ANK3: variants seen among roughly 807,000 people sequenced by gnomAD.
The protein encoded by ANK3 is ankyrin-3.
Under a neutral mutation model 370.9 loss-of-function variants are expected in ANK3, and 57 were observed. That is an observed-to-expected ratio of 0.15 (90% CI 0.12 to 0.19). The LOEUF is 0.19. ANK3 is among the 10% of genes least tolerant of loss of function. The pLI, the probability that ANK3 is intolerant of heterozygous loss-of-function variation, is 1.00. For synonymous variants in ANK3, 1,929 were observed against 1,946.3 expected (o/e 0.99, Z 0.23); for missense variants, 4,439 against 5,302.1 (o/e 0.84, Z 5.06).
intron 11 of ANK3, among the ~76,000 whole-genome samples, chr10:60,204,986 C>T (rs982565967): frequency 1.3e-5 from 2 of 152,018 alleles, no homozygotes; most frequent in Admixed American, 1.3e-4. Context: ...AAGAGAGTGT[C>T]TAGTCTATGG....
chr10:60,202,481 G>A (rs150982315), intron 12 of ANK3, among the ~76,000 whole-genome samples: 67 of 152,340 alleles, frequency 4.4e-4, no homozygotes, highest in Non-Finnish European at 8.8e-4. Flanking sequence ...GTTAATGAAC[G>A]TAGTTCGTAA....
At chr10:60,347,639 G>A (rs770323890) in intron 1 of ANK3, among the ~76,000 whole-genome samples, 4 of 152,026 alleles carry the variant, frequency 2.6e-5, no homozygotes, top group Non-Finnish European at 5.9e-5. Flanking sequence ...TGAATGAATA[G>A]TTAAGTTCCA....
intron 38 of ANK3, among the ~76,000 whole-genome samples, chr10:60,067,539 A>C (rs1326406123): frequency 6.6e-6 from 1 of 152,166 alleles, no homozygotes; most frequent in African/African-American, 2.4e-5. Context: ...GTTGCCTAGA[A>C]AACTGCCCTA....
intron 2 of ANK3, among the ~76,000 whole-genome samples, chr10:60,607,975 T>C (rs530939101): frequency 2.0e-5 from 3 of 152,254 alleles, no homozygotes; most frequent in South Asian, 4.1e-4. Flanking sequence ...TCAAATGTCA[T>C]ACCTGGAAAT....
intron 1 of ANK3, among the ~76,000 whole-genome samples, chr10:60,336,642 A>G (rs1300658845): frequency 1.3e-5 from 2 of 152,192 alleles, no homozygotes; most frequent in Admixed American, 1.3e-4. Context: ...TCTAAAATGA[A>G]TGTGCATTTT....
intron 2 of ANK3, among the ~76,000 whole-genome samples, chr10:60,485,350 AAAG>A (rs1350226882): frequency 1.3e-5 from 2 of 152,196 alleles, no homozygotes; most frequent in Non-Finnish European, 2.9e-5. Context: ...GGAACAGCAA[AAAG>A]AAGTCTATTT....
chr10:60,313,185 C>T (rs547628105), intron 1 of ANK3, among the ~76,000 whole-genome samples: 3 of 152,270 alleles, frequency 2.0e-5, no homozygotes, highest in Admixed American at 6.5e-5. Context: ...CAGGACCCTG[C>T]GGATAACATG....
intron 7 of ANK3, among the ~76,000 whole-genome samples, chr10:60,240,070 T>C (rs1193352039): frequency 6.9e-6 from 1 of 145,720 alleles, no homozygotes; most frequent in Non-Finnish European, 1.5e-5. Flanking sequence ...TATATACATA[T>C]ATATACATAT....
chr10:60,500,062 C>T (rs1171353139), intron 2 of ANK3, among the ~76,000 whole-genome samples: 1 of 152,168 alleles, frequency 6.6e-6, no homozygotes, highest in East Asian at 1.9e-4. Flanking sequence ...AAGAGCTTGA[C>T]TAAATTACCT....
At chr10:60,208,652 T>C (rs932888368) in intron 9 of ANK3, among the ~76,000 whole-genome samples, 1 of 152,138 alleles carries the variant, frequency 6.6e-6, no homozygotes, top group African/African-American at 2.4e-5. Context: ...CACTGTAATT[T>C]GGCCAGATAG....
At chr10:60,438,492 A>G (rs922899878) in intron 2 of ANK3, among the ~76,000 whole-genome samples, 1 of 152,176 alleles carries the variant, frequency 6.6e-6, no homozygotes, top group Non-Finnish European at 1.5e-5. Flanking sequence ...CCAGTACTTT[A>G]GTTGTTAAAG....
At chr10:60,450,001 AG>A (rs2064555063) in intron 2 of ANK3, among the ~76,000 whole-genome samples, 1 of 152,200 alleles carries the variant, frequency 6.6e-6, no homozygotes, top group African/African-American at 2.4e-5. Flanking sequence ...GAAAAGAGAG[AG>A]AAAAAGATAA....
Position 60,091,987 on chromosome 10 carries a change from C to T in ANK3, c.3329-3629G>A, listed in dbSNP as rs555064039. 4.7e-4 allele frequency among the ~76,000 whole-genome samples: 71 copies of T among 152,268 alleles called. 1 individual carries two copies. In the South Asian group the frequency reaches 0.014, roughly 30 times the overall value. On this transcript the variant is annotated intron_variant, in intron 28 of 43. Transcript: ENST00000280772. Reference sequence around the variant, plus strand: ...CTCGTGATCTGCCCACCTCAGCCTCCCAAAGTGCTGGGATTACGGGCGTGA... The same window carrying T: ...CTCGTGATCTGCCCACCTCAGCCTCTCAAAGTGCTGGGATTACGGGCGTGA...
chr10:60,721,227 A>T (rs1016002979), intron 1 of ANK3, among the ~76,000 whole-genome samples: 3 of 152,236 alleles, frequency 2.0e-5, no homozygotes, highest in Non-Finnish European at 4.4e-5. Context: ...GCAGAAGACC[A>T]TGAAAGTTGC....
At chr10:60,330,893 G>A (rs1311524083) in intron 1 of ANK3, among the ~76,000 whole-genome samples, 4 of 152,076 alleles carry the variant, frequency 2.6e-5, no homozygotes, top group Admixed American at 2.0e-4. Context: ...TAGACTGGAT[G>A]AAGAAAATGT....
At chr10:60,660,119 C>T (rs563647178) in intron 1 of ANK3, among the ~76,000 whole-genome samples, 1 of 152,164 alleles carries the variant, frequency 6.6e-6, no homozygotes, top group South Asian at 2.1e-4. Flanking sequence ...TTTCTTGTGG[C>T]ACCTGTTTTT....
At chr10:60,341,680 G>GTGTTC (rs1179728864) in intron 1 of ANK3, among the ~76,000 whole-genome samples, 2 of 152,104 alleles carry the variant, frequency 1.3e-5, no homozygotes, top group Admixed American at 1.3e-4. Flanking sequence ...GTTCCTTTTT[G>GTGTTC]TGTTCTGTTC....
rs763252744 is a variant in ANK3 at position 60,055,736 on chromosome 10, C to A, written c.12987G>T (p.Met4329Ile). 1.9e-6 allele frequency: 3 copies of A among 1,614,206 alleles called. No homozygotes were observed. The South Asian group carries it at 3.3e-5, about 18-fold the overall frequency. ...TGCCATCTGCTGGAGAAGTCCTACT[C>A]ATCTTTTTCATACTGACAGGCACAC... ...KPCVPVSMKK[M>I]SRTSPADGKP... Residue 4329 changes from methionine to isoleucine, a missense_variant, in exon 42 of 44, where the codon ATG (methionine) becomes ATT (isoleucine). By Grantham distance (10) the Met-to-Ile change is conservative. Transcript: ENST00000280772.
chr10:60,491,684 T>C (rs1231666549), intron 2 of ANK3, among the ~76,000 whole-genome samples: 5 of 152,062 alleles, frequency 3.3e-5, no homozygotes. Context: ...CAAGGTAAAA[T>C]GCTTCCCAAG....
Sources: gnomAD v4.1 joint callset for allele counts (sites outside exome capture counted in the v4.1 genomes callset) on GRCh38, gnomAD v4.1.1 for gene constraint, MANE v1.5 for transcripts, NCBI Gene and HGNC (gene_info 2026-07-23, HGNC 2026-07-21) for gene names.